The following ITPR3 variants were observed in gnomAD, a reference collection of about 807,000 sequenced individuals.
ITPR3 encodes the protein inositol 1,4,5-trisphosphate-gated calcium channel ITPR3.
Under a neutral mutation model 293.2 loss-of-function variants are expected in ITPR3, and 173 were observed. The observed-to-expected ratio is 0.59, with a 90% confidence interval of 0.52 to 0.67. The LOEUF is 0.67. Among genes scored for constraint, ITPR3 ranks in the 30% least tolerant of loss-of-function variants. ITPR3 has a pLI of 0.00. For synonymous variants in ITPR3, 1,295 were observed against 1,444.4 expected, an observed-to-expected ratio of 0.90 and a Z score of 2.35; for missense variants, 2,796 against 3,592.1, an observed-to-expected ratio of 0.78 and a Z score of 5.66.
intron 56 of ITPR3, 76 bp from the exon 57 acceptor site, chr6:33,694,848 C>G (rs111385561): frequency 8.9e-6 from 14 of 1,576,624 alleles, no homozygotes; most frequent in Admixed American, 5.0e-5. Flanking sequence ...AGCCTCCCCC[C>G]ACATTACTGT....
chr6:33,625,147 GTGGCCTCAGGCCAGTGGCTAGGGAGAAC>G, intron 1 of ITPR3, among the ~76,000 whole-genome samples: 1 of 152,226 alleles, frequency 6.6e-6, no homozygotes, highest in African/African-American at 2.4e-5. Flanking sequence ...AGGATTGAAT[GTGGCCTCAGGCCAGTGGCTAGGGAGAAC>G]TGGCCTTGGG....
At chr6:33,627,491 T>C (rs1763574335) in intron 1 of ITPR3, among the ~76,000 whole-genome samples, 1 of 152,262 alleles carries the variant, frequency 6.6e-6, no homozygotes, top group Non-Finnish European at 1.5e-5. Flanking sequence ...TGTACCTTAA[T>C]TTATTTAAGC....
chr6:33,672,058 G>A lies in ITPR3; in HGVS notation c.2758G>A (p.Val920Met), dbSNP rs779072484. The A allele has an allele frequency of 3.1e-5, 50 of 1,611,714 alleles. No homozygotes were observed. Among genetic ancestry groups the A allele is most frequent in the South Asian group, 6.6e-5 (6 of 90,878 alleles). The change falls in exon 22 of 58, where the codon GTG (valine) becomes ATG (methionine). Residue 920 changes from valine to methionine, a missense_variant. By Grantham distance (21) the Val-to-Met change is conservative (BLOSUM62 1). Around this residue, in one of 8 missense-constraint regions of ITPR3, gnomAD observed 955 missense variants for 1,180.8 expected, o/e 0.81. Transcript: ENST00000605930. The surrounding 1 kb of genome is among the most constrained non-coding windows in gnomAD (Gnocchi z 5.0). ...GAATGTGCGGCGGTCCATCCAGGGC[G>A]TGGGGCACATGATGTCCACCATGGT... ...GKNVRRSIQG[V>M]GHMMSTMVLS...
rs571945447 is a variant in ITPR3 at position 33,629,772 on chromosome 6, G to T, written c.89+8081G>T. The stretch of plus-strand genomic sequence containing the variant: ...TGGGATTACAGGCGTGAGCCACCAC[G>T]CCGGGCCTGACCATTGGTTTCTTTA... On this transcript the variant is annotated intron_variant, in intron 1 of 57. Coordinates refer to ENST00000605930, the MANE Select transcript of ITPR3 (RefSeq NM_002224.4). Among the ~76,000 whole-genome samples, 167 of 146,990 alleles carry T rather than the reference G, an allele frequency of 1.1e-3. 1 individual carries two copies. Among genetic ancestry groups the T allele is most frequent in the Middle Eastern group, 6.9e-3 (2 of 290 alleles).
intron 23 of ITPR3, 37 bp from the exon 24 acceptor site, chr6:33,674,171 G>T (rs1311216780): frequency 6.2e-7 from 1 of 1,612,652 alleles, no homozygotes; most frequent in Non-Finnish European, 8.5e-7. Context: ...CCCGGGCTGG[G>T]CCTACAATCT....
intron 48 of ITPR3, 28 bp downstream of exon 48, chr6:33,688,459 G>GGCCCC: frequency 2.3e-6 from 1 of 440,068 alleles, no homozygotes; most frequent in Non-Finnish European, 4.4e-6. Flanking sequence ...GGAGGGTGGG[G>GGCCCC]CGGTCTGGAG....
intron 56 of ITPR3, 157 bp from the exon 57 acceptor site, chr6:33,694,767 G>A (rs1340158259): frequency 2.2e-6 from 2 of 899,936 alleles, no homozygotes; most frequent in Non-Finnish European, 3.4e-6. Context: ...CTGGCCCCGG[G>A]GAGGACCAGG....
In ITPR3 at chr6:33,665,728, G is replaced by A. The variant is rs1490206839; in HGVS notation, c.1410-107G>A. 27 of 1,263,332 alleles carry A rather than the reference G, an allele frequency of 2.1e-5. No homozygotes were observed. In the East Asian group the frequency reaches 4.3e-4, roughly 20 times the overall value. 78.3% of individuals were successfully genotyped at this position (1,263,332 alleles called of 1,614,324 possible). A position where few individuals can be genotyped will look rare whatever the true frequency, so the allele number is the denominator to read the frequency against. On this transcript the variant is annotated intron_variant, in intron 13 of 57. Coordinates refer to ENST00000605930, the MANE Select transcript of ITPR3 (RefSeq NM_002224.4). ...GGATGGGTTTTGTGCTTTGGGGGCC[G>A]CTGAGTGAACTCATGAAAGCCATGT...
chr6:33,671,130 C>G, intron 20 of ITPR3, 35 bp from the exon 21 acceptor site: 3 of 1,611,334 alleles, frequency 1.9e-6, no homozygotes, highest in Non-Finnish European at 2.5e-6. Flanking sequence ...CGCGCCGGCC[C>G]CTCCCACCTC....
rs1368080190 is a variant in ITPR3, at chr6:33,678,799, G to C, written c.3932G>C (p.Gly1311Ala). 1 of 1,613,450 alleles carries C rather than the reference G, an allele frequency of 6.2e-7. No homozygotes were observed. The highest frequency in any genetic ancestry group is 1.7e-5 in the Admixed American group (1 of 59,944). The stretch of plus-strand genomic sequence containing the variant: ...CTGCACACCGTCATTAAGGCCGAGG[G>C]CAAGTACGTCAAGAAGTGCCAGGAC... ...DFLHTVIKAE[G>A]KYVKKCQDMI... The change falls in exon 30 of 58, where the codon GGC becomes GCC. Residue 1311 changes from glycine to alanine, a missense_variant. Gly to Ala is a moderately conservative substitution (Grantham distance 60). This residue lies in a region of ITPR3 where 344 missense variants were observed against 460.3 expected (regional missense o/e 0.75). Transcript: ENST00000605930.
chr6:33,671,577 C>T (rs185945755), intron 21 of ITPR3, among the ~76,000 whole-genome samples: 1 of 152,294 alleles, frequency 6.6e-6, no homozygotes, highest in African/African-American at 2.4e-5. Context: ...AGCGAGACAG[C>T]TCTGTCATCG....
At chr6:33,689,676 C>T (rs1185177792) in intron 50 of ITPR3, among the ~76,000 whole-genome samples, 1 of 152,244 alleles carries the variant, frequency 6.6e-6, no homozygotes, top group Non-Finnish European at 1.5e-5. Context: ...GCACACTGTG[C>T]GGGCTGTGCA....
Position 33,654,644 on chromosome 6 carries a change from C to A in ITPR3, c.161-1122C>A, listed in dbSNP as rs1054105389. 6.6e-6 allele frequency among the ~76,000 whole-genome samples: 1 copy of A among 152,166 alleles called. No individual in the cohort carries two copies. The highest frequency in any genetic ancestry group is 2.4e-5 in the African/African-American group (1 of 41,432). ...TGAAGAAGGGGTTTTGTTTCTGGGA[C>A]CCTCGAGTGGCTCTCTCCTCTCCAG... On this transcript the variant is annotated intron_variant, in intron 2 of 57. Coordinates refer to ENST00000605930, the MANE Select transcript of ITPR3 (RefSeq NM_002224.4). This position sits in a 1 kb window ranked among gnomAD's most constrained non-coding sequence, Gnocchi z 4.1.
intron 50 of ITPR3, 46 bp downstream of exon 50, chr6:33,689,456 CTG>C (rs1765332334): frequency 3.8e-6 from 6 of 1,592,814 alleles, no homozygotes; most frequent in African/African-American, 1.3e-5. Flanking sequence ...CTCATGCTCA[CTG>C]TGCATTCAGA....
Position 33,667,241 on chromosome 6 carries a change from T to G in ITPR3, c.1664T>G (p.Leu555Arg). 6.2e-7 allele frequency: 1 copy of G among 1,613,732 alleles called. No individual in the cohort carries two copies. The highest frequency in any genetic ancestry group is 2.2e-5 in the East Asian group (1 of 44,886). The change falls in exon 15 of 58, where the codon CTG becomes CGG. Residue 555 changes from leucine (L) to arginine (R), a missense_variant. By Grantham distance (102) the Leu-to-Arg change is moderately radical (BLOSUM62 -2). Coordinates refer to ENST00000605930, the MANE Select transcript of ITPR3 (RefSeq NM_002224.4). The surrounding 1 kb of genome is among the most constrained non-coding windows in gnomAD (Gnocchi z 4.4). The part of the protein sequence containing the change: ...KNAPYQHMFR[L>R]CYRVLRHSQE... ...GCCCCCTACCAGCACATGTTCCGCCTGTGCTACCGCGTGTTGCGGCATTCC... is the reference window on the plus strand; with the variant it reads ...GCCCCCTACCAGCACATGTTCCGCCGGTGCTACCGCGTGTTGCGGCATTCC...
Position 33,680,382 on chromosome 6 carries a change from G to A in ITPR3, c.4278G>A (p.Val1426=). 6.2e-7 allele frequency: 1 copy of A among 1,611,076 alleles called. No individual in the cohort carries two copies. Among genetic ancestry groups the A allele is most frequent in the Non-Finnish European group, 8.5e-7 (1 of 1,179,106 alleles). The part of the protein sequence containing the change: ...FVNHCYVDTE[V]EMKEIYTSNH... ...ACCACTGCTACGTGGACACGGAGGT[G>A]GAGATGAAGGAGATCTACACCAGCA... is the stretch of plus-strand genomic sequence containing the variant. The change falls in exon 32 of 58, where the codon GTG becomes GTA. Residue 1426 remains valine (V), a synonymous_variant. Transcript: ENST00000605930.
intron 1 of ITPR3, among the ~76,000 whole-genome samples, chr6:33,626,109 AT>A (rs1763544159): frequency 6.6e-6 from 1 of 151,902 alleles, no homozygotes; most frequent in African/African-American, 2.4e-5. Flanking sequence ...TAGTTTTTGT[AT>A]TTTTTATAGA....
rs1764401297 is a variant in ITPR3, at chr6:33,659,486, C to T, written c.648C>T (p.Asn216=). The change falls in exon 7 of 58, where the codon AAC becomes AAT. Residue 216 remains asparagine (N), a synonymous_variant. Transcript: ENST00000605930. ...GCKEVNSVNC[N]TSWKINLFMQ... ...CGCAGGTCAATTCTGTGAACTGCAA[C>T]ACCAGCTGGAAGATCAACCTGTTTA... 1.2e-6 allele frequency: 2 copies of T among 1,614,160 alleles called. No homozygotes were observed. The highest frequency in any genetic ancestry group is 1.7e-4 in the Middle Eastern group (1 of 6,060).
chr6:33,680,808 T>C lies in ITPR3; in HGVS notation c.4476+128T>C, dbSNP rs1042083121. 14 of 1,123,472 alleles carry C rather than the reference T, an allele frequency of 1.2e-5. No individual in the cohort carries two copies. The Admixed American group carries it at 3.8e-4, about 30-fold the overall frequency. 69.6% of individuals were successfully genotyped at this position (1,123,472 alleles called of 1,614,324 possible). ...AAGAAGTAACAAAAGGATACATAAG[T>C]GTATTGGTTATCTTTTTTTTTTTTT... is the stretch of plus-strand genomic sequence containing the variant. On this transcript the variant is annotated intron_variant, in intron 33 of 57. Coordinates refer to ENST00000605930, the MANE Select transcript of ITPR3 (RefSeq NM_002224.4).
Sources: allele counts gnomAD v4.1 joint callset (sites outside exome capture counted in the v4.1 genomes callset), GRCh38; gene constraint gnomAD v4.1.1; regional missense constraint gnomAD v4.1.1; non-coding constraint Gnocchi (gnomAD v3.1); transcripts MANE v1.5; gene names NCBI Gene and HGNC (gene_info 2026-07-23, HGNC 2026-07-21).